Variants in DIAPH3 observed in about 807,000 individuals in gnomAD.
DIAPH3 encodes protein diaphanous homolog 3.
Under a neutral mutation model 144.3 loss-of-function variants are expected in DIAPH3, and 117 were observed. The ratio of observed to expected loss-of-function variants is 0.81; its 90% CI spans 0.70 to 0.95. The LOEUF (loss-of-function observed/expected upper bound fraction) is 0.95, where lower values mean the gene tolerates loss of function less well. Ranked by LOEUF, DIAPH3 falls within the 40% of genes least tolerant of loss-of-function variation. The probability of loss-of-function intolerance (pLI) is 0.00; values close to 1 mark genes in which losing one functional copy is unlikely to be tolerated. For missense variants in DIAPH3, 1,421 were observed against 1,412.7 expected (o/e 1.01, Z -0.09); for synonymous variants, 519 against 488.9 (o/e 1.06, Z -0.81).
chr13:59,824,281 A>C (rs2041246442), intron 24 of DIAPH3, among the ~76,000 whole-genome samples: 1 of 152,142 alleles, frequency 6.6e-6, no homozygotes, highest in African/African-American at 2.4e-5. Flanking sequence ...TATGTTATGT[A>C]ATTTGATTTT....
intron 27 of DIAPH3, among the ~76,000 whole-genome samples, chr13:59,675,118 T>G (rs2138606007): frequency 6.6e-6 from 1 of 152,296 alleles, no homozygotes; most frequent in Admixed American, 6.5e-5. Flanking sequence ...CAGGCTGGAA[T>G]GCGATGGTGC....
At chr13:60,145,567 G>A (rs1031534739) in intron 1 of DIAPH3, among the ~76,000 whole-genome samples, 4 of 152,184 alleles carry the variant, frequency 2.6e-5, no homozygotes, top group South Asian at 4.1e-4. Context: ...GGAGAATGAC[G>A]TGAACTCAGA....
At chr13:59,778,496 T>C (rs1246509456) in intron 25 of DIAPH3, among the ~76,000 whole-genome samples, 1 of 152,250 alleles carries the variant, frequency 6.6e-6, no homozygotes, top group Non-Finnish European at 1.5e-5. Context: ...TTAGCTAAGA[T>C]GGTCAGCTGG....
intron 2 of DIAPH3, among the ~76,000 whole-genome samples, chr13:60,121,351 G>A (rs1362648374): frequency 6.6e-6 from 1 of 152,082 alleles, no homozygotes; most frequent in East Asian, 1.9e-4. Context: ...AGACCCCTTG[G>A]TGGTCCATGG....
intron 27 of DIAPH3, among the ~76,000 whole-genome samples, chr13:59,726,805 T>C (rs1207589886): frequency 1.3e-5 from 2 of 152,080 alleles, no homozygotes; most frequent in Admixed American, 6.6e-5. Flanking sequence ...AAATGCAATA[T>C]AATAAAACAT....
In DIAPH3 at chr13:60,016,076, T is replaced by C. The variant is rs1426057152; in HGVS notation, c.696A>G (p.Gly232=). Residue 232 remains glycine (G), a synonymous_variant, in exon 6 of 28, where the codon GGA becomes GGG. Transcript: ENST00000400324. Reference sequence around the variant, plus strand: ...TAATTATTAGCAATACTTACATTTTTCCACTAATCAGTTTTTCCAAAATGT... The same window carrying C: ...TAATTATTAGCAATACTTACATTTTCCCACTAATCAGTTTTTCCAAAATGT... ...LLDILEKLIS[G]KIQEKVVKKN... is the part of the protein sequence containing the mutation. The C allele has an allele frequency of 6.2e-7, 1 of 1,613,308 alleles. No homozygotes were observed. The highest frequency in any genetic ancestry group is 1.7e-5 in the Admixed American group (1 of 59,986).
chr13:59,933,278 TTATGGCTGTGATTGCTCACC>T (rs1200138828), intron 17 of DIAPH3, among the ~76,000 whole-genome samples: 1 of 152,188 alleles, frequency 6.6e-6, no homozygotes, highest in East Asian at 1.9e-4. Context: ...CTAAACCTCA[TTATGGCTGTGATTGCTCACC>T]TATGATATAG....
At chr13:59,941,314 C>A (rs1808366283) in intron 17 of DIAPH3, among the ~76,000 whole-genome samples, 1 of 152,126 alleles carries the variant, frequency 6.6e-6, no homozygotes, top group South Asian at 2.1e-4. Flanking sequence ...GACACAAAAG[C>A]CCTTCCTGGG....
intron 27 of DIAPH3, among the ~76,000 whole-genome samples, chr13:59,707,904 A>C (rs1429209200): frequency 1.3e-5 from 2 of 151,738 alleles, no homozygotes; most frequent in Non-Finnish European, 2.9e-5. Context: ...CAATTTACTC[A>C]TCTTTTTCTA....
At chr13:59,847,929 C>A (rs527944877) in intron 22 of DIAPH3, among the ~76,000 whole-genome samples, 1 of 152,178 alleles carries the variant, frequency 6.6e-6, no homozygotes, top group East Asian at 1.9e-4. Context: ...ACTCACTTTT[C>A]CAATTAGAAT....
chr13:59,957,129 G>A (rs1167003005), intron 17 of DIAPH3, among the ~76,000 whole-genome samples: 2 of 152,174 alleles, frequency 1.3e-5, no homozygotes, highest in African/African-American at 4.8e-5. Context: ...GCTGAAATGA[G>A]TTAAGACTTT....
At chr13:59,826,671 G>GA (rs1182529516) in intron 24 of DIAPH3, among the ~76,000 whole-genome samples, 1 of 151,464 alleles carries the variant, frequency 6.6e-6, no homozygotes, top group Non-Finnish European at 1.5e-5. Context: ...CACAAAATTG[G>GA]AAAAAACTAC....
intron 9 of DIAPH3, 67 bp from the exon 10 acceptor site, chr13:59,992,650 C>T: frequency 7.9e-7 from 1 of 1,264,322 alleles, no homozygotes; most frequent in East Asian, 2.4e-5. Flanking sequence ...CAAACGTAAA[C>T]TTCAAGGTTT....
At chr13:59,707,247 C>A (rs1455785022) in intron 27 of DIAPH3, among the ~76,000 whole-genome samples, 2 of 152,096 alleles carry the variant, frequency 1.3e-5, no homozygotes, top group African/African-American at 2.4e-5. Flanking sequence ...CTCAAGAGAA[C>A]AATACCTTGA....
At chr13:59,945,222 T>A (rs2048741479) in intron 17 of DIAPH3, among the ~76,000 whole-genome samples, 2 of 152,140 alleles carry the variant, frequency 1.3e-5, no homozygotes, top group Non-Finnish European at 2.9e-5. Flanking sequence ...TTCTTTCCAA[T>A]CTGAGGACCT....
chr13:59,802,705 C>T (rs1293645437), intron 25 of DIAPH3, among the ~76,000 whole-genome samples: 1 of 72,964 alleles, frequency 1.4e-5, no homozygotes, highest in Non-Finnish European at 2.4e-5. Flanking sequence ...GACAGAGTCT[C>T]GCTCTGTCGC....
intron 27 of DIAPH3, among the ~76,000 whole-genome samples, chr13:59,733,944 T>C (rs1379143139): frequency 2.0e-5 from 3 of 152,218 alleles, no homozygotes. Flanking sequence ...GGAAACCAGC[T>C]TGTCATCACA....
At chr13:59,812,672 T>G (rs1261958726) in intron 24 of DIAPH3, among the ~76,000 whole-genome samples, 1 of 151,978 alleles carries the variant, frequency 6.6e-6, no homozygotes, top group Non-Finnish European at 1.5e-5. Flanking sequence ...CAGAGGGAAG[T>G]GCTAATGCAA....
At chr13:59,693,152 G>A (rs2033623216) in intron 27 of DIAPH3, among the ~76,000 whole-genome samples, 1 of 152,160 alleles carries the variant, frequency 6.6e-6, no homozygotes, top group South Asian at 2.1e-4. Context: ...CAGGTAGAGG[G>A]AACAGCGTGA....
Sources: allele counts gnomAD v4.1 joint callset (sites outside exome capture counted in the v4.1 genomes callset), GRCh38; gene constraint gnomAD v4.1.1; transcripts MANE v1.5; gene names NCBI Gene and HGNC (gene_info 2026-07-23, HGNC 2026-07-21).